Variants in BCL9L observed in about 807,000 individuals in gnomAD.
BCL9L encodes the protein BCL9 like.
Under a neutral mutation model 99.4 loss-of-function variants are expected in BCL9L, and 19 were observed. The observed-to-expected ratio is 0.19, with a 90% CI of 0.13 to 0.28. The LOEUF (loss-of-function observed/expected upper bound fraction) is 0.28. Ranked by LOEUF, BCL9L falls within the 10% of genes least tolerant of loss-of-function variation. The pLI is 1.00. For synonymous variants in BCL9L, 900 were observed against 854.8 expected, an observed-to-expected ratio of 1.05 and a Z score of -0.92; for missense variants, 2,023 against 2,101.6, an observed-to-expected ratio of 0.96 and a Z score of 0.73.
At chr11:118,909,106 C>G (rs1940664629) in intron 3 of BCL9L, among the ~76,000 whole-genome samples, 1 of 152,234 alleles carries the variant, frequency 6.6e-6, no homozygotes, top group East Asian at 1.9e-4. Flanking sequence ...GCCACAGGAC[C>G]TGGGGTCACT....
At position 118,907,525 on chromosome 11, in the gene BCL9L, G is replaced by C; in HGVS notation, c.490C>G (p.Pro164Ala). 6.2e-7 allele frequency: 1 copy of C among 1,614,190 alleles called. No homozygotes were observed. The highest frequency in any genetic ancestry group is 8.5e-7 in the Non-Finnish European group (1 of 1,180,040). ...PYSGDEWCSG[P>A]DSEEDDKPIG... ...GGCTTGTCGTCCTCCTCACTGTCCGGTCCAGAGCACCATTCGTCCCCACTG... is the reference window on the plus strand; with the variant it reads ...GGCTTGTCGTCCTCCTCACTGTCCGCTCCAGAGCACCATTCGTCCCCACTG... Residue 164 changes from proline to alanine, a missense_variant, in exon 5 of 10, where the codon CCG becomes GCG. Physicochemically the swap from Pro to Ala is conservative, Grantham distance 27. Coordinates refer to ENST00000683865, the MANE Select transcript of BCL9L (RefSeq NM_001378213.1).
At chr11:118,910,195 C>G in intron 2 of BCL9L, 180 bp from the exon 3 acceptor site, 1 of 535,944 alleles carries the variant, frequency 1.9e-6, no homozygotes, top group Non-Finnish European at 3.4e-6. Context: ...GTCCCCATCC[C>G]TCCCGCACCT....
At chr11:118,905,877 C>T (rs995609254) in intron 5 of BCL9L, among the ~76,000 whole-genome samples, 17 of 151,982 alleles carry the variant, frequency 1.1e-4, no homozygotes, top group South Asian at 4.1e-4. Context: ...CTAAAATAGT[C>T]GCCTTGAGTA....
chr11:118,919,616 C>A (rs1231528372), intron 1 of BCL9L, among the ~76,000 whole-genome samples: 7 of 152,054 alleles, frequency 4.6e-5, no homozygotes, highest in African/African-American at 1.7e-4. Context: ...AGCTGCTAAC[C>A]ACCCCTCCCT....
chr11:118,905,715 G>A (rs1243022740), intron 5 of BCL9L, among the ~76,000 whole-genome samples: 1 of 151,796 alleles, frequency 6.6e-6, no homozygotes, highest in Non-Finnish European at 1.5e-5. Flanking sequence ...TACTCGGGAG[G>A]CTGAGGCAGG....
chr11:118,917,338 T>C (rs1940995689), intron 2 of BCL9L, among the ~76,000 whole-genome samples: 1 of 152,252 alleles, frequency 6.6e-6, no homozygotes, highest in Non-Finnish European at 1.5e-5. Context: ...ATTTACTTTG[T>C]AACTTCACCA....
At chr11:118,904,432 T>C in intron 5 of BCL9L, among the ~76,000 whole-genome samples, 1 of 151,986 alleles carries the variant, frequency 6.6e-6, no homozygotes, top group Non-Finnish European at 1.5e-5. Flanking sequence ...AGAGCGAGAC[T>C]GTCTCAAAAA....
chr11:118,909,883 A>G, intron 3 of BCL9L, 31 bp downstream of exon 3: 1 of 1,613,358 alleles, frequency 6.2e-7, no homozygotes, highest in South Asian at 1.1e-5. Context: ...CTCCACACAC[A>G]CACATCCCAC....
In BCL9L at chr11:118,900,520, G is replaced by A. The variant is rs1940171523; in HGVS notation, c.3124+99C>T. 6.7e-7 allele frequency: 1 copy of A among 1,487,490 alleles called. No homozygotes were observed. Among genetic ancestry groups the A allele is most frequent in the South Asian group, 1.4e-5 (1 of 73,706 alleles). The allele number at this position is 1,487,490 out of a possible 1,614,324, so 92.1% of individuals were successfully genotyped here. A position where few individuals can be genotyped will look rare whatever the true frequency, so the allele number is the denominator to read the frequency against. ...AGAGCCATCCACCTCTGGGCCCGTG[G>A]TACACAGGCCCTTACTCACTCACTG... is the stretch of plus-strand genomic sequence containing the variant. On this transcript the variant is annotated intron_variant, in intron 8 of 9. Transcript: ENST00000683865. The surrounding 1 kb of genome is among the most constrained non-coding windows in gnomAD (Gnocchi z 5.3).
Position 118,900,601 on chromosome 11 carries a change from C to A in BCL9L, c.3124+18G>T. ...GCCTGCCTGCCTGCCTGCCTGCCTG[C>A]CTGCGCAATTGACTCACCCTGTTCC... On this transcript the variant is annotated intron_variant, in intron 8 of 9. Transcript: ENST00000683865. This position sits in a 1 kb window ranked among gnomAD's most constrained non-coding sequence, Gnocchi z 5.3. The A allele has an allele frequency of 6.3e-7, 1 of 1,584,088 alleles. No homozygotes were observed. Among genetic ancestry groups the A allele is most frequent in the Non-Finnish European group, 8.6e-7 (1 of 1,164,286 alleles).
At chr11:118,915,312 C>T (rs545158560) in intron 2 of BCL9L, among the ~76,000 whole-genome samples, 1 of 152,184 alleles carries the variant, frequency 6.6e-6, no homozygotes, top group Non-Finnish European at 1.5e-5. Flanking sequence ...GACACACCAG[C>T]CCTTGACAAA....
At chr11:118,905,330 G>A (rs1302034419) in intron 5 of BCL9L, among the ~76,000 whole-genome samples, 5 of 152,022 alleles carry the variant, frequency 3.3e-5, no homozygotes, top group African/African-American at 1.2e-4. Context: ...CCATAATGGT[G>A]AAACTCCATC....
At chr11:118,899,800 C>A in intron 9 of BCL9L, 117 bp downstream of exon 9, 1 of 1,383,374 alleles carries the variant, frequency 7.2e-7, no homozygotes, top group Non-Finnish European at 9.7e-7. Flanking sequence ...CCGGAGCCTC[C>A]ACCCCCACAC....
At chr11:118,911,181 C>T (rs777446784) in intron 2 of BCL9L, 1 of 454,400 alleles carries the variant, frequency 2.2e-6, no homozygotes, top group African/African-American at 2.0e-5. Flanking sequence ...CCTGGCTCCC[C>T]CCTCGCCTCC....
In BCL9L at chr11:118,902,651, A is replaced by T; in HGVS notation, c.1092T>A (p.Pro364=). The T allele has an allele frequency of 6.3e-7, 1 of 1,599,150 alleles. No homozygotes were observed. The highest frequency in any genetic ancestry group is 8.5e-7 in the Non-Finnish European group (1 of 1,179,698). Residue 364 remains proline, a synonymous_variant, in exon 8 of 10, where the codon CCT becomes CCA. Coordinates refer to ENST00000683865, the MANE Select transcript of BCL9L (RefSeq NM_001378213.1). This position sits in a 1 kb window ranked among gnomAD's most constrained non-coding sequence, Gnocchi z 7.8. ...NTPTATTANN[P]LPPGGDPSSA... ...TGCTGGGGTCTCCTCCAGGAGGCAGAGGGTTGTTGGCGGTGGTAGCCGTCG... is the reference window on the plus strand; with the variant it reads ...TGCTGGGGTCTCCTCCAGGAGGCAGTGGGTTGTTGGCGGTGGTAGCCGTCG...
At chr11:118,912,250 G>T (rs1461989161) in intron 2 of BCL9L, among the ~76,000 whole-genome samples, 2 of 152,270 alleles carry the variant, frequency 1.3e-5, no homozygotes, top group Non-Finnish European at 2.9e-5. Context: ...ACCCAGTGAA[G>T]GGGGCTTGCT....
intron 2 of BCL9L, among the ~76,000 whole-genome samples, chr11:118,915,997 G>A (rs559764559): frequency 4.6e-5 from 7 of 152,256 alleles, no homozygotes; most frequent in African/African-American, 9.6e-5. Context: ...CCATTTTCTC[G>A]TGTTCACATT....
chr11:118,913,694 C>G (rs1419891569), intron 2 of BCL9L, among the ~76,000 whole-genome samples: 1 of 151,664 alleles, frequency 6.6e-6, no homozygotes, highest in Non-Finnish European at 1.5e-5. Context: ...CCACCCCACC[C>G]GCCCAAGGCT....
rs1165005482 is a variant in BCL9L, at chr11:118,907,504, TGTC to T, written c.508_510del (p.Asp170del). ...TCACTGTGGGTGGCCCCAATGGGCT[TGTC>T]GTCCTCCTCACTGTCCGGTCCAGAG... is the stretch of plus-strand genomic sequence containing the variant. On this transcript the variant is annotated inframe_deletion, in exon 5 of 10. Coordinates refer to ENST00000683865, the MANE Select transcript of BCL9L (RefSeq NM_001378213.1). 6.2e-7 allele frequency: 1 copy of T among 1,614,094 alleles called. No homozygotes were observed. The highest frequency in any genetic ancestry group is 8.5e-7 in the Non-Finnish European group (1 of 1,180,038).
Sources: allele counts gnomAD v4.1 joint callset (sites outside exome capture counted in the v4.1 genomes callset), GRCh38; gene constraint gnomAD v4.1.1; non-coding constraint Gnocchi (gnomAD v3.1); transcripts MANE v1.5; gene names NCBI Gene and HGNC (gene_info 2026-07-23, HGNC 2026-07-21).